DCDC2: variants seen among roughly 807,000 people sequenced by gnomAD.
The protein encoded by DCDC2 is doublecortin domain containing 2, also known as doublecortin domain-containing protein 2.
In DCDC2, 40 loss-of-function variants were observed where a neutral mutation model predicts 50.2. The observed-to-expected ratio is 0.80, with a 90% confidence interval of 0.62 to 1.04. The LOEUF (loss-of-function observed/expected upper bound fraction) is 1.04. DCDC2 is among the 50% of genes least tolerant of loss of function. The pLI is 0.00. For synonymous variants in DCDC2, 234 were observed against 210.6 expected, an observed-to-expected ratio of 1.11 and a Z score of -0.96; for missense variants, 570 against 581.9, an observed-to-expected ratio of 0.98 and a Z score of 0.21.
chr6:24,294,915 T>C (rs983207391), intron 4 of DCDC2, among the ~76,000 whole-genome samples: 1 of 152,098 alleles, frequency 6.6e-6, no homozygotes, highest in Non-Finnish European at 1.5e-5. Context: ...CCATTTCTAG[T>C]GAAACTATTC....
intron 4 of DCDC2, among the ~76,000 whole-genome samples, chr6:24,299,958 A>G (rs1759336332): frequency 6.6e-6 from 1 of 152,078 alleles, no homozygotes; most frequent in South Asian, 2.1e-4. Flanking sequence ...AATACTTTGT[A>G]GTCATTAAAA....
the DCDC2 span, among the ~76,000 whole-genome samples, chr6:24,379,101 A>C: frequency 6.6e-6 from 1 of 152,286 alleles, no homozygotes; most frequent in Non-Finnish European, 1.5e-5. Context: ...CCCTAGAAGA[A>C]AACCTAGGCA....
chr6:24,367,231 G>C, the DCDC2 span, among the ~76,000 whole-genome samples: 1 of 152,232 alleles, frequency 6.6e-6, no homozygotes, highest in South Asian at 2.1e-4. Context: ...ATCCTGGGAA[G>C]TAAGCAAGCA....
intron 3 of DCDC2, 48 bp downstream of exon 3, chr6:24,301,920 A>G (rs774240920): frequency 6.2e-7 from 1 of 1,612,094 alleles, no homozygotes. Context: ...AACCAAAAGG[A>G]AACCACCAAG....
chr6:24,372,238 G>A, the DCDC2 span, among the ~76,000 whole-genome samples: 4 of 152,108 alleles, frequency 2.6e-5, no homozygotes, highest in South Asian at 8.3e-4. Flanking sequence ...TGGCTAACAC[G>A]GTGAAACCCC....
chr6:24,323,379 C>T (rs1274714414), intron 2 of DCDC2, among the ~76,000 whole-genome samples: 1 of 151,796 alleles, frequency 6.6e-6, no homozygotes, highest in African/African-American at 2.4e-5. Flanking sequence ...GGATCCTGGA[C>T]CAGGAAAAAA....
chr6:24,227,591 A>G (rs1762257376), intron 7 of DCDC2, among the ~76,000 whole-genome samples: 1 of 152,194 alleles, frequency 6.6e-6, no homozygotes, highest in African/African-American at 2.4e-5. Flanking sequence ...CACAGGTCCT[A>G]TCTGCCAGGT....
chr6:24,186,466 C>A (rs1203024353), intron 8 of DCDC2, among the ~76,000 whole-genome samples: 1 of 152,226 alleles, frequency 6.6e-6, no homozygotes, highest in Admixed American at 6.5e-5. Flanking sequence ...CACAAACACA[C>A]ATACCTGCGT....
chr6:24,278,315 G>T, intron 6 of DCDC2, 104 bp from the exon 7 acceptor site: 1 of 1,041,330 alleles, frequency 9.6e-7, no homozygotes, highest in Non-Finnish European at 1.4e-6. Context: ...CAGGGGCAGG[G>T]AGGTGTATTG....
the DCDC2 span, among the ~76,000 whole-genome samples, chr6:24,372,785 A>T: frequency 6.6e-6 from 1 of 152,002 alleles, no homozygotes; most frequent in Non-Finnish European, 1.5e-5. Flanking sequence ...GAGAGGGGGG[A>T]GGGATAGCAT....
intron 7 of DCDC2, among the ~76,000 whole-genome samples, chr6:24,234,350 G>C (rs1427870284): frequency 1.3e-5 from 2 of 152,164 alleles, no homozygotes; most frequent in South Asian, 2.1e-4. Context: ...ACATAAACTT[G>C]AGTGCAAAGT....
In DCDC2 at chr6:24,198,677, A is replaced by AG. The variant is rs1417237121; in HGVS notation, c.1023+6324dup. On this transcript the variant is annotated intron_variant, in intron 8 of 9. Transcript: ENST00000378454. ...GAATGAACCGTTCACTCCCCTGGAA[A>AG]GGGGGCTGAAGCCAGGGAGCCAAGT... Among the ~76,000 whole-genome samples, 3 of 152,086 alleles carry AG rather than the reference A, an allele frequency of 2.0e-5. No individual in the cohort carries two copies. The East Asian group carries it at 5.8e-4, about 29-fold the overall frequency.
intron 2 of DCDC2, among the ~76,000 whole-genome samples, chr6:24,314,866 T>C (rs1759633706): frequency 6.6e-6 from 1 of 152,176 alleles, no homozygotes; most frequent in Non-Finnish European, 1.5e-5. Flanking sequence ...TAACTTGCAT[T>C]GTTCTAGGTG....
upstream of DCDC2, among the ~76,000 whole-genome samples, chr6:24,358,698 AT>A (rs200898096): frequency 3.4e-3 from 303 of 88,584 alleles, 3 homozygotes; most frequent in African/African-American, 0.011. Context: ...TAAAATATAT[AT>A]TTTTTTTATA....
At chr6:24,273,717 A>T (rs1047008588) in intron 7 of DCDC2, among the ~76,000 whole-genome samples, 5 of 152,346 alleles carry the variant, frequency 3.3e-5, no homozygotes, top group Non-Finnish European at 7.3e-5. Context: ...TGAACCAAAG[A>T]AGCTCAAGTT....
rs1306592004 is a variant in DCDC2 at position 24,357,874 on chromosome 6, C to A, written c.-124G>T. 1.3e-6 allele frequency: 2 copies of A among 1,573,808 alleles called. No individual in the cohort carries two copies. The highest frequency in any genetic ancestry group is 1.2e-5 in the South Asian group (1 of 84,830). ...TGAAACGAACGAGAAACTGACGAAT[C>A]CACAGGTGAAAGAGAAGTAACGGCC... On this transcript the variant is annotated 5_prime_UTR_variant, in exon 1 of 10. Coordinates refer to ENST00000378454, the MANE Select transcript of DCDC2 (RefSeq NM_016356.5).
At chr6:24,188,595 T>C (rs1761251703) in intron 8 of DCDC2, among the ~76,000 whole-genome samples, 1 of 152,204 alleles carries the variant, frequency 6.6e-6, no homozygotes, top group Non-Finnish European at 1.5e-5. Context: ...CCCTGACATT[T>C]ACGTCAATTT....
intron 7 of DCDC2, among the ~76,000 whole-genome samples, chr6:24,226,046 A>T (rs1762228284): frequency 6.6e-6 from 1 of 152,182 alleles, no homozygotes; most frequent in African/African-American, 2.4e-5. Flanking sequence ...TTTATTCCTT[A>T]CTATATGTGT....
At chr6:24,287,761 G>T (rs1279312493) in intron 6 of DCDC2, among the ~76,000 whole-genome samples, 1 of 152,200 alleles carries the variant, frequency 6.6e-6, no homozygotes, top group African/African-American at 2.4e-5. Flanking sequence ...TCTGTGGACT[G>T]CTGCCATTGT....
Sources: allele counts gnomAD v4.1 joint callset (sites outside exome capture counted in the v4.1 genomes callset), GRCh38; gene constraint gnomAD v4.1.1; transcripts MANE v1.5; gene names NCBI Gene and HGNC (gene_info 2026-07-23, HGNC 2026-07-21).